Variants in RAD51B observed in about 807,000 individuals in gnomAD.
RAD51B encodes the protein RAD51 paralog B, also known as DNA repair protein RAD51 homolog 2.
In RAD51B, 38 loss-of-function variants were observed where a neutral mutation model predicts 42.2. The observed-to-expected ratio is 0.90, with a 90% CI of 0.70 to 1.18. The LOEUF (loss-of-function observed/expected upper bound fraction) is 1.18. Among genes scored for constraint, RAD51B ranks in the 50% most tolerant of loss-of-function variants. The pLI, the probability that RAD51B is intolerant of heterozygous loss-of-function variation, is 0.00. For synonymous variants in RAD51B, 154 were observed against 145.2 expected (o/e 1.06, Z -0.43); for missense variants, 373 against 400.7 (o/e 0.93, Z 0.59).
intron 7 of RAD51B, chr14:67,908,993 CA>C (rs1461012098): frequency 1.3e-5 from 2 of 152,144 alleles, no homozygotes; most frequent in Non-Finnish European, 2.9e-5. Flanking sequence ...ACAAGTTTTT[CA>C]GAGGCTTTGT....
At chr14:68,620,621 C>T (rs1345067735) in intron 10 of RAD51B, among the ~76,000 whole-genome samples, 1 of 152,190 alleles carries the variant, frequency 6.6e-6, no homozygotes, top group Non-Finnish European at 1.5e-5. Flanking sequence ...AGACAATCTA[C>T]CCAATGATTT....
At chr14:68,259,494 CAG>C in intron 7 of RAD51B, among the ~76,000 whole-genome samples, 1 of 152,060 alleles carries the variant, frequency 6.6e-6, no homozygotes, top group South Asian at 2.1e-4. Context: ...AATAAAAGCT[CAG>C]AGCACAAATA....
At chr14:68,050,399 A>G (rs1047275587) in intron 7 of RAD51B, among the ~76,000 whole-genome samples, 2 of 152,162 alleles carry the variant, frequency 1.3e-5, no homozygotes, top group Admixed American at 6.5e-5. Flanking sequence ...TACCAGCATA[A>G]CATAGGATGT....
chr14:68,458,527 G>A (rs1859063195), intron 9 of RAD51B, among the ~76,000 whole-genome samples: 1 of 151,962 alleles, frequency 6.6e-6, no homozygotes, highest in Admixed American at 6.6e-5. Flanking sequence ...GGAACTTGAT[G>A]TGTTATATTA....
intron 11 of RAD51B, among the ~76,000 whole-genome samples, chr14:68,654,216 A>G (rs1422297915): frequency 6.6e-6 from 1 of 152,248 alleles, no homozygotes; most frequent in Non-Finnish European, 1.5e-5. Context: ...GGAGATGAAG[A>G]CAGGGAATAA....
chr14:68,479,510 A>G (rs1427918377), downstream of RAD51B, among the ~76,000 whole-genome samples: 1 of 152,196 alleles, frequency 6.6e-6, no homozygotes, highest in Non-Finnish European at 1.5e-5. Context: ...GAATCTGAAC[A>G]AACAGGCCTT....
intron 7 of RAD51B, among the ~76,000 whole-genome samples, chr14:68,144,229 G>GT (rs1191546482): frequency 6.6e-6 from 1 of 152,202 alleles, no homozygotes; most frequent in African/African-American, 2.4e-5. Context: ...AGCCCCAGCT[G>GT]TTGGAGAACT....
chr14:68,378,319 A>G (rs367824654), intron 8 of RAD51B, among the ~76,000 whole-genome samples: 12 of 152,278 alleles, frequency 7.9e-5, no homozygotes, highest in African/African-American at 2.6e-4. Context: ...GTTTCTCCCA[A>G]TAGCTCTTTC....
intron 8 of RAD51B, among the ~76,000 whole-genome samples, chr14:68,306,318 G>A (rs1254692817): frequency 6.6e-6 from 1 of 152,196 alleles, no homozygotes; most frequent in Non-Finnish European, 1.5e-5. Context: ...TTCAAGTTCA[G>A]GTAATCACCT....
chr14:67,831,089 G>C (rs943534066), intron 3 of RAD51B, among the ~76,000 whole-genome samples: 4 of 151,936 alleles, frequency 2.6e-5, no homozygotes, highest in African/African-American at 9.7e-5. Flanking sequence ...TGGCCAGGCT[G>C]GTCTCGAACT....
At chr14:68,256,808 T>G (rs541515960) in intron 7 of RAD51B, among the ~76,000 whole-genome samples, 1 of 152,278 alleles carries the variant, frequency 6.6e-6, no homozygotes, top group East Asian at 1.9e-4. Context: ...GAAAAACTTT[T>G]GGCACAGGAA....
chr14:68,116,504 A>AT (rs949017784), intron 7 of RAD51B, among the ~76,000 whole-genome samples: 9 of 152,094 alleles, frequency 5.9e-5, no homozygotes, highest in African/African-American at 1.9e-4. Flanking sequence ...CAGATATAAA[A>AT]TTTTTTTTCA....
At chr14:68,562,008 G>C (rs1349245111) in intron 10 of RAD51B, 1 of 985,320 alleles carries the variant, frequency 1.0e-6, no homozygotes, top group Non-Finnish European at 1.2e-6. Context: ...AGCTGCTCCT[G>C]TCTGCCTCAC....
chr14:68,067,664 A>G (rs1188057435), intron 7 of RAD51B, among the ~76,000 whole-genome samples: 1 of 152,044 alleles, frequency 6.6e-6, no homozygotes, highest in Non-Finnish European at 1.5e-5. Context: ...CAAAGAACTA[A>G]TAAAGTTAAC....
intron 8 of RAD51B, among the ~76,000 whole-genome samples, chr14:68,336,874 T>C (rs2082465489): frequency 6.6e-6 from 1 of 152,212 alleles, no homozygotes; most frequent in East Asian, 1.9e-4. Context: ...AACCAAATAA[T>C]GTAGTTCTTA....
rs568165065 is a variant in RAD51B, at chr14:68,411,322, A to G, written c.854-102A>G. The G allele has an allele frequency of 1.1e-5, 10 of 940,406 alleles. No homozygotes were observed. In the Admixed American group the frequency reaches 1.7e-4, roughly 16 times the overall value. 58.3% of individuals were successfully genotyped at this position (940,406 alleles called of 1,614,324 possible). On this transcript the variant is annotated intron_variant, in intron 8 of 10. Transcript: ENST00000471583. ...TCTGTGGTAATGAACTGAGCCTCCAAGTACTCTCTGGACTACTGGCAATGA... is the reference window on the plus strand; with the variant it reads ...TCTGTGGTAATGAACTGAGCCTCCAGGTACTCTCTGGACTACTGGCAATGA...
chr14:67,895,102 G>C (rs150336518), intron 7 of RAD51B, among the ~76,000 whole-genome samples: 1 of 152,158 alleles, frequency 6.6e-6, no homozygotes, highest in Non-Finnish European at 1.5e-5. Flanking sequence ...TAGAAAGTCA[G>C]TGCTCTTTTG....
intron 7 of RAD51B, among the ~76,000 whole-genome samples, chr14:68,142,990 G>GT (rs1387643936): frequency 1.9e-4 from 24 of 127,808 alleles, no homozygotes; most frequent in African/African-American, 7.3e-4. Context: ...CTGTCTCAAG[G>GT]AAAAAAAAAA....
chr14:67,950,560 G>C (rs1034436667), intron 7 of RAD51B, among the ~76,000 whole-genome samples: 30 of 152,240 alleles, frequency 2.0e-4, no homozygotes, highest in African/African-American at 7.2e-4. Context: ...CAATAAGACT[G>C]TTTTGCTTTG....
Sources: gnomAD v4.1 joint callset for allele counts (sites outside exome capture counted in the v4.1 genomes callset) on GRCh38, gnomAD v4.1.1 for gene constraint, MANE v1.5 for transcripts, NCBI Gene and HGNC (gene_info 2026-07-23, HGNC 2026-07-21) for gene names.